Variants in DPP6 observed in about 807,000 individuals in gnomAD.
DPP6 encodes dipeptidyl peptidase like 6, also known as A-type potassium channel modulatory protein DPP6.
In DPP6, 69 loss-of-function variants were observed where a neutral mutation model predicts 122.6. The observed-to-expected ratio is 0.56, with a 90% CI of 0.46 to 0.69. DPP6 has a LOEUF of 0.69. Ranked by LOEUF, DPP6 falls within the 30% of genes least tolerant of loss-of-function variation. The probability of loss-of-function intolerance (pLI) is 0.00; values close to 1 mark genes in which losing one functional copy is unlikely to be tolerated. For synonymous variants in DPP6, 418 were observed against 433.1 expected (o/e 0.97, Z 0.43); for missense variants, 928 against 1,116.9 (o/e 0.83, Z 2.41).
At chr7:154,146,779 G>A (rs1457129990) in intron 1 of DPP6, among the ~76,000 whole-genome samples, 3 of 152,172 alleles carry the variant, frequency 2.0e-5, no homozygotes, top group African/African-American at 4.8e-5. Flanking sequence ...ATAAAATACA[G>A]GGAGTGGGGA....
chr7:154,373,638 T>A (rs1055513644), intron 1 of DPP6, among the ~76,000 whole-genome samples: 1 of 152,206 alleles, frequency 6.6e-6, no homozygotes, highest in African/African-American at 2.4e-5. Context: ...AGAGCATGCA[T>A]ACTAACATTG....
chr7:154,824,247 T>C (rs574587799), intron 16 of DPP6, among the ~76,000 whole-genome samples: 2 of 54,962 alleles, frequency 3.6e-5, no homozygotes, highest in African/African-American at 5.7e-5. Context: ...TTAAGGAATG[T>C]TTTTGTTGTT....
At chr7:154,425,016 A>G (rs1353691224) in intron 1 of DPP6, among the ~76,000 whole-genome samples, 6 of 152,218 alleles carry the variant, frequency 3.9e-5, no homozygotes, top group Admixed American at 6.5e-5. Flanking sequence ...ATGCACATTT[A>G]AAGTTAATTA....
At chr7:154,608,120 C>T (rs1463227084) in intron 5 of DPP6, among the ~76,000 whole-genome samples, 2 of 148,994 alleles carry the variant, frequency 1.3e-5, no homozygotes, top group African/African-American at 4.9e-5. Flanking sequence ...GCTGGGATTA[C>T]AGGCATGTGC....
chr7:153,901,638 A>G (rs1799642543), intron 1 of DPP6, among the ~76,000 whole-genome samples: 1 of 152,206 alleles, frequency 6.6e-6, no homozygotes, highest in Admixed American at 6.5e-5. Flanking sequence ...GAGCACAGGA[A>G]TGGCATTGCT....
At chr7:154,819,935 T>G (rs1799654707) in intron 16 of DPP6, among the ~76,000 whole-genome samples, 1 of 152,204 alleles carries the variant, frequency 6.6e-6, no homozygotes, top group Admixed American at 6.5e-5. Flanking sequence ...CCTCCCATTT[T>G]TGCCCCTAAG....
chr7:154,745,673 C>T (rs1481201617), intron 8 of DPP6, among the ~76,000 whole-genome samples: 1 of 152,238 alleles, frequency 6.6e-6, no homozygotes, highest in African/African-American at 2.4e-5. Context: ...TGCTTCTACT[C>T]ATGGCAGAAG....
At chr7:154,808,019 G>C (rs1798807392) in intron 16 of DPP6, among the ~76,000 whole-genome samples, 1 of 152,274 alleles carries the variant, frequency 6.6e-6, no homozygotes, top group South Asian at 2.1e-4. Flanking sequence ...ATCTTGGAAA[G>C]ATATGATATG....
chr7:154,109,931 A>G (rs919519749), intron 1 of DPP6, among the ~76,000 whole-genome samples: 3 of 142,782 alleles, frequency 2.1e-5, no homozygotes, highest in African/African-American at 7.9e-5. Context: ...CCATGCAGGG[A>G]ACCCTAATTG....
intron 1 of DPP6, among the ~76,000 whole-genome samples, chr7:153,966,940 G>C (rs1057331709): frequency 2.0e-5 from 3 of 151,412 alleles, no homozygotes; most frequent in Admixed American, 6.6e-5. Context: ...AGTGTCATCT[G>C]CCTGTAGTCC....
At chr7:154,671,456 C>G (rs1452972188) in intron 7 of DPP6, among the ~76,000 whole-genome samples, 1 of 152,170 alleles carries the variant, frequency 6.6e-6, no homozygotes, top group Non-Finnish European at 1.5e-5. Context: ...TCCACCATAC[C>G]TGCGGCCTCG....
intron 1 of DPP6, among the ~76,000 whole-genome samples, chr7:154,414,091 T>C (rs145609597): frequency 9.2e-5 from 14 of 152,302 alleles, no homozygotes; most frequent in African/African-American, 3.1e-4. Flanking sequence ...CTCTATTGTG[T>C]TATAACTTCC....
At chr7:154,130,063 T>A (rs1808252246) in intron 1 of DPP6, among the ~76,000 whole-genome samples, 1 of 151,200 alleles carries the variant, frequency 6.6e-6, no homozygotes, top group South Asian at 2.1e-4. Flanking sequence ...CACTCCAGTC[T>A]GGGTGGCAGA....
At chr7:154,446,401 TC>T in intron 2 of DPP6, 73 bp downstream of exon 2, 1 of 1,026,148 alleles carries the variant, frequency 9.7e-7, no homozygotes, top group East Asian at 2.5e-5. Context: ...GCAATTTTTT[TC>T]TAAGTAACTA....
At chr7:154,278,848 G>C (rs370673538) in intron 1 of DPP6, among the ~76,000 whole-genome samples, 1 of 151,502 alleles carries the variant, frequency 6.6e-6, no homozygotes, top group East Asian at 1.9e-4. Flanking sequence ...GGGGATGCAC[G>C]TGTGTGTTTG....
intron 1 of DPP6, among the ~76,000 whole-genome samples, chr7:153,996,574 A>C (rs950185993): frequency 4.0e-5 from 6 of 151,778 alleles, no homozygotes; most frequent in African/African-American, 1.5e-4. Flanking sequence ...ATAGCCTATT[A>C]TAAACTATTT....
At chr7:154,781,224 A>G (rs1797008374) in intron 10 of DPP6, among the ~76,000 whole-genome samples, 1 of 152,222 alleles carries the variant, frequency 6.6e-6, no homozygotes, top group South Asian at 2.1e-4. Context: ...ACAAATAGAT[A>G]GATGGGTGCT....
chr7:154,054,175 A>G (rs1279774534), intron 1 of DPP6, among the ~76,000 whole-genome samples: 1 of 151,984 alleles, frequency 6.6e-6, no homozygotes, highest in Non-Finnish European at 1.5e-5. Flanking sequence ...CCGGCCTCTC[A>G]CTTAGTCTAC....
intron 1 of DPP6, among the ~76,000 whole-genome samples, chr7:154,413,237 A>G (rs1444359424): frequency 6.6e-6 from 1 of 152,202 alleles, no homozygotes. Context: ...AGTTTAAATA[A>G]ATCAAGTCAC....
Sources: allele counts gnomAD v4.1 joint callset (sites outside exome capture counted in the v4.1 genomes callset), GRCh38; gene constraint gnomAD v4.1.1; transcripts MANE v1.5; gene names NCBI Gene and HGNC (gene_info 2026-07-23, HGNC 2026-07-21).